The following CNTNAP2 variants were observed in gnomAD, a reference collection of about 807,000 sequenced individuals.
CNTNAP2 encodes the protein contactin associated protein 2.
A neutral mutation model predicts 155.2 loss-of-function variants in CNTNAP2; 98 were observed. That is an observed-to-expected ratio of 0.63 (90% CI 0.54 to 0.75). The LOEUF is 0.75. Among genes scored for constraint, CNTNAP2 ranks in the 30% least tolerant of loss-of-function variants. The pLI, the probability that CNTNAP2 is intolerant of heterozygous loss-of-function variation, is 0.00. For synonymous variants in CNTNAP2, 651 were observed against 631.2 expected (o/e 1.03, Z -0.47); for missense variants, 1,727 against 1,688.1 (o/e 1.02, Z -0.40).
intron 1 of CNTNAP2, among the ~76,000 whole-genome samples, chr7:146,330,924 A>T (rs1801174103): frequency 6.6e-6 from 1 of 152,188 alleles, no homozygotes; most frequent in South Asian, 2.1e-4. Context: ...GGAGAAAAGT[A>T]ATACTATGCT....
intron 4 of CNTNAP2, among the ~76,000 whole-genome samples, chr7:147,093,273 T>C (rs1040244369): frequency 6.8e-6 from 1 of 146,112 alleles, no homozygotes. Flanking sequence ...AAAGAAAAGG[T>C]GTACGTATGT....
intron 13 of CNTNAP2, among the ~76,000 whole-genome samples, chr7:147,685,337 C>T (rs1454275705): frequency 6.6e-6 from 1 of 151,966 alleles, no homozygotes; most frequent in African/African-American, 2.4e-5. Context: ...AGTGATGACT[C>T]TTGCTACCTT....
chr7:146,535,772 G>T (rs1223799138), intron 1 of CNTNAP2, among the ~76,000 whole-genome samples: 1 of 151,704 alleles, frequency 6.6e-6, no homozygotes, highest in Non-Finnish European at 1.5e-5. Context: ...CTCCCTTGCT[G>T]TCCCCACTTG....
intron 4 of CNTNAP2, among the ~76,000 whole-genome samples, chr7:147,073,505 T>A (rs986539801): frequency 3.9e-5 from 6 of 152,048 alleles, no homozygotes; most frequent in African/African-American, 1.4e-4. Context: ...TAGCTATGCA[T>A]AGGAGAGGTA....
chr7:147,550,119 G>C (rs1799823219), intron 11 of CNTNAP2, among the ~76,000 whole-genome samples: 1 of 151,986 alleles, frequency 6.6e-6, no homozygotes, highest in Non-Finnish European at 1.5e-5. Flanking sequence ...TAAATGCCTT[G>C]GAAAAAATCA....
intron 1 of CNTNAP2, among the ~76,000 whole-genome samples, chr7:146,431,729 A>T (rs1257064750): frequency 1.3e-5 from 2 of 152,068 alleles, no homozygotes; most frequent in Non-Finnish European, 2.9e-5. Flanking sequence ...AGTAAGAAAA[A>T]GTTTTGATGG....
At chr7:146,990,780 T>G (rs548090042) in intron 3 of CNTNAP2, among the ~76,000 whole-genome samples, 20 of 152,176 alleles carry the variant, frequency 1.3e-4, no homozygotes, top group African/African-American at 4.8e-4. Context: ...ATAATTTAAT[T>G]TTAAGACATT....
At chr7:147,368,673 C>T (rs1368411677) in intron 9 of CNTNAP2, among the ~76,000 whole-genome samples, 2 of 152,136 alleles carry the variant, frequency 1.3e-5, no homozygotes, top group Admixed American at 1.3e-4. Flanking sequence ...TGGAAGTCTT[C>T]ATTAAAATAA....
intron 1 of CNTNAP2, among the ~76,000 whole-genome samples, chr7:146,625,913 C>T (rs941364285): frequency 1.1e-4 from 16 of 152,038 alleles, no homozygotes; most frequent in Admixed American, 9.2e-4. Context: ...ATCTTATTAG[C>T]TACAATGCCT....
chr7:148,221,861 T>G (rs1373555257), intron 19 of CNTNAP2, among the ~76,000 whole-genome samples: 1 of 152,220 alleles, frequency 6.6e-6, no homozygotes, highest in Non-Finnish European at 1.5e-5. Context: ...TGAATTGAAC[T>G]CATGGTGTCC....
At chr7:148,365,323 A>C (rs1317950392) in intron 21 of CNTNAP2, among the ~76,000 whole-genome samples, 1 of 152,176 alleles carries the variant, frequency 6.6e-6, no homozygotes, top group Non-Finnish European at 1.5e-5. Flanking sequence ...ATCCTGAAAA[A>C]AGTAGCTTTT....
chr7:146,997,890 T>C (rs1012018094), intron 3 of CNTNAP2, among the ~76,000 whole-genome samples: 12 of 152,086 alleles, frequency 7.9e-5, no homozygotes, highest in African/African-American at 2.7e-4. Context: ...GCATTGGTTG[T>C]AATGTCTGCT....
intron 21 of CNTNAP2, among the ~76,000 whole-genome samples, chr7:148,379,568 C>T (rs980757988): frequency 2.0e-5 from 3 of 151,916 alleles, no homozygotes; most frequent in Admixed American, 6.6e-5. Context: ...AAAAATTAGT[C>T]GGGCATGGTA....
At chr7:147,451,179 T>C (rs1280801742) in intron 10 of CNTNAP2, among the ~76,000 whole-genome samples, 1 of 152,142 alleles carries the variant, frequency 6.6e-6, no homozygotes, top group Non-Finnish European at 1.5e-5. Flanking sequence ...CTTACATGAT[T>C]GCAGAACACA....
chr7:147,451,102 G>T lies in CNTNAP2; in HGVS notation c.1671-34833G>T, dbSNP rs560660138. Among the ~76,000 whole-genome samples the T allele has an allele frequency of 2.0e-5, 3 of 152,276 alleles. No homozygotes were observed. In the East Asian group the frequency reaches 5.8e-4, roughly 29 times the overall value. On this transcript the variant is annotated intron_variant, in intron 10 of 23. Coordinates refer to ENST00000361727, the MANE Select transcript of CNTNAP2 (RefSeq NM_014141.6). ...TATCTACCAACGTGCTGAGGGAAGA[G>T]TCAATATAAGACAGTCAATATACGG... is the stretch of plus-strand genomic sequence containing the variant.
At chr7:146,577,390 A>T (rs1297466991) in intron 1 of CNTNAP2, among the ~76,000 whole-genome samples, 1 of 152,084 alleles carries the variant, frequency 6.6e-6, no homozygotes. Flanking sequence ...TCAAAAATCT[A>T]ATTTTTATTT....
chr7:147,586,963 CAGTGCAAAGTTGTTT>C (rs1800640334), intron 12 of CNTNAP2, among the ~76,000 whole-genome samples: 1 of 152,156 alleles, frequency 6.6e-6, no homozygotes, highest in African/African-American at 2.4e-5. Context: ...AGTGACACTT[CAGTGCAAAGTTGTTT>C]AACTGATACC....
At chr7:147,650,008 AT>A (rs1795426242) in intron 13 of CNTNAP2, among the ~76,000 whole-genome samples, 3 of 152,142 alleles carry the variant, frequency 2.0e-5, no homozygotes, top group Admixed American at 2.0e-4. Flanking sequence ...CCATCTGTAC[AT>A]ACTTTCACAG....
intron 2 of CNTNAP2, among the ~76,000 whole-genome samples, chr7:146,789,774 T>C (rs1171320087): frequency 6.6e-6 from 1 of 151,526 alleles, no homozygotes; most frequent in Non-Finnish European, 1.5e-5. Context: ...ATTTTTAAAG[T>C]CACTAACACT....
Sources: gnomAD v4.1 joint callset for allele counts (sites outside exome capture counted in the v4.1 genomes callset) on GRCh38, gnomAD v4.1.1 for gene constraint, MANE v1.5 for transcripts, NCBI Gene and HGNC (gene_info 2026-07-23, HGNC 2026-07-21) for gene names.